Variants in SLC12A3 observed in about 807,000 individuals in gnomAD.
SLC12A3 encodes the protein solute carrier family 12 member 3.
Under a neutral mutation model 121.0 loss-of-function variants are expected in SLC12A3, and 104 were observed. The observed-to-expected ratio is 0.86, with a 90% CI of 0.73 to 1.01. The LOEUF is 1.01. Among genes scored for constraint, SLC12A3 ranks in the 50% least tolerant of loss-of-function variants. SLC12A3 has a pLI of 0.00. For missense variants in SLC12A3, 1,328 were observed against 1,356.3 expected, an observed-to-expected ratio of 0.98 and a Z score of 0.33; for synonymous variants, 536 against 533.4, an observed-to-expected ratio of 1.00 and a Z score of -0.07.
chr16:56,888,152 A>T, intron 18 of SLC12A3, 121 bp downstream of exon 18: 1 of 691,962 alleles, frequency 1.4e-6, no homozygotes, highest in Non-Finnish European at 2.6e-6. Flanking sequence ...AGTGGCTGGC[A>T]TCTGTAGTCC....
intron 8 of SLC12A3, among the ~76,000 whole-genome samples, chr16:56,873,444 T>C (rs187384222): frequency 3.9e-5 from 5 of 129,052 alleles, no homozygotes; most frequent in African/African-American, 1.5e-4. Flanking sequence ...TGGAGTGCAA[T>C]GGCATGATCT....
At chr16:56,893,338 C>T (rs2055416026) in intron 21 of SLC12A3, among the ~76,000 whole-genome samples, 1 of 152,158 alleles carries the variant, frequency 6.6e-6, no homozygotes, top group Non-Finnish European at 1.5e-5. Flanking sequence ...TGGGCGGTGC[C>T]CAGGAAAGCT....
At chr16:56,912,735 C>G (rs711747) in intron 25 of SLC12A3, among the ~76,000 whole-genome samples, 85,457 of 151,992 alleles carry the variant, frequency 0.56, 24,392 homozygotes, top group Middle Eastern at 0.63. Flanking sequence ...TCAGAAGATG[C>G]TGTTGGGACT....
chr16:56,899,683 T>G, intron 23 of SLC12A3, 67 bp downstream of exon 23: 186 of 1,034,860 alleles, frequency 1.8e-4, no homozygotes, highest in Non-Finnish European at 2.4e-4. Flanking sequence ...CTCTGCCGGC[T>G]GCCCCCTTTT....
chr16:56,899,372 C>G (rs1024574376), intron 22 of SLC12A3, among the ~76,000 whole-genome samples, 158 bp from the exon 23 acceptor site: 10 of 152,134 alleles, frequency 6.6e-5, no homozygotes, highest in African/African-American at 2.4e-4. Context: ...ATCTGTAATC[C>G]CAACTACTCG....
intron 13 of SLC12A3, 140 bp downstream of exon 13, chr16:56,882,637 T>G: frequency 2.7e-6 from 2 of 729,684 alleles, no homozygotes; most frequent in Non-Finnish European, 5.0e-6. Flanking sequence ...AAAGGGAACA[T>G]TAATATAATA....
intron 2 of SLC12A3, among the ~76,000 whole-genome samples, chr16:56,867,708 C>T (rs1964393166): frequency 6.6e-6 from 1 of 152,228 alleles, no homozygotes; most frequent in Non-Finnish European, 1.5e-5. Flanking sequence ...CCCCGACCCC[C>T]AGATGCTCTT....
chr16:56,872,764 C>T lies in SLC12A3; in HGVS notation c.1073C>T (p.Ala358Val), dbSNP rs1210363199. 6.2e-7 allele frequency: 1 copy of T among 1,614,234 alleles called. No individual in the cohort carries two copies. Among genetic ancestry groups the T allele is most frequent in the Non-Finnish European group, 8.5e-7 (1 of 1,180,040 alleles). The stretch of plus-strand genomic sequence containing the variant: ...TCGGCCACAGGCATCCTGGCAGGGG[C>T]CAACATATCTGGTGACCTCAAGGTG... ...FPSATGILAG[A>V]NISGDLKDPA... The change falls in exon 8 of 26, where the codon GCC becomes GTC. Residue 358 changes from alanine (A) to valine (V), a missense_variant. Transcript: ENST00000563236.
At chr16:56,904,790 G>A (rs376403456) in intron 25 of SLC12A3, 23 of 370,206 alleles carry the variant, frequency 6.2e-5, no homozygotes, top group African/African-American at 3.6e-4. Flanking sequence ...TTTCAAGAGG[G>A]ACATCAACTC....
intron 22 of SLC12A3, among the ~76,000 whole-genome samples, chr16:56,897,082 A>T (rs1268579173): frequency 2.1e-5 from 3 of 140,736 alleles, no homozygotes; most frequent in Non-Finnish European, 4.5e-5. Flanking sequence ...ACTGAGCAAG[A>T]CTCCATCTCA....
chr16:56,866,974 C>A, intron 1 of SLC12A3, 96 bp from the exon 2 acceptor site: 1 of 1,534,854 alleles, frequency 6.5e-7, no homozygotes. Flanking sequence ...GGGGGGTGCT[C>A]GGTATGGGGC....
chr16:56,877,372 G>A (rs1443356010), intron 8 of SLC12A3, among the ~76,000 whole-genome samples: 5 of 151,660 alleles, frequency 3.3e-5, no homozygotes, highest in African/African-American at 1.2e-4. Flanking sequence ...CTCCAACCTG[G>A]GTGACAGAGC....
At position 56,865,414 on chromosome 16, in the gene SLC12A3, C is replaced by T. The variant is rs371443644; in HGVS notation, c.179C>T (p.Thr60Met). 51 of 1,614,094 alleles carry T rather than the reference C, an allele frequency of 3.2e-5. No homozygotes were observed. In the East Asian group the frequency reaches 4.7e-4, roughly 15 times the overall value. The change falls in exon 1 of 26, where the codon ACG becomes ATG. Residue 60 changes from threonine to methionine, a missense_variant. Thr to Met is a moderately conservative substitution (Grantham distance 81). Coordinates refer to ENST00000563236, the MANE Select transcript of SLC12A3 (RefSeq NM_001126108.2). Reference sequence around the variant, plus strand: ...TGCATGCGCACCTTTGGCTACAACACGATCGATGTGGTGCCCACATATGAG... The same window carrying T: ...TGCATGCGCACCTTTGGCTACAACATGATCGATGTGGTGCCCACATATGAG... ...TFCMRTFGYN[T>M]IDVVPTYEHY...
At chr16:56,912,406 G>C (rs1204667857) in intron 25 of SLC12A3, among the ~76,000 whole-genome samples, 1 of 152,196 alleles carries the variant, frequency 6.6e-6, no homozygotes, top group African/African-American at 2.4e-5. Context: ...TTAAGACAAG[G>C]GGCCTCCCCA....
intron 22 of SLC12A3, among the ~76,000 whole-genome samples, chr16:56,897,904 G>A (rs141890420): frequency 9.8e-4 from 150 of 152,296 alleles, no homozygotes; most frequent in Admixed American, 5.7e-3. Flanking sequence ...ATCTGCCCAC[G>A]GCTCTGCTTT....
At chr16:56,891,834 C>A (rs968281068) in intron 19 of SLC12A3, among the ~76,000 whole-genome samples, 1 of 152,200 alleles carries the variant, frequency 6.6e-6, no homozygotes, top group African/African-American at 2.4e-5. Context: ...GCGCACCCAC[C>A]GCCACGGCCC....
At chr16:56,881,992 T>C (rs2055246224) in intron 12 of SLC12A3, among the ~76,000 whole-genome samples, 3 of 149,262 alleles carry the variant, frequency 2.0e-5, no homozygotes, top group African/African-American at 7.5e-5. Flanking sequence ...GAGGTTGCAG[T>C]GAGCCGAGAT....
chr16:56,879,485 A>G, intron 10 of SLC12A3, 57 bp from the exon 11 acceptor site: 1 of 1,418,918 alleles, frequency 7.0e-7, no homozygotes, highest in Non-Finnish European at 1.0e-6. Context: ...AGTGCCACAG[A>G]TGGGGGCTCC....
chr16:56,893,696 C>T (rs762401292), intron 21 of SLC12A3, among the ~76,000 whole-genome samples: 103 of 152,180 alleles, frequency 6.8e-4, no homozygotes, highest in Non-Finnish European at 1.2e-3. Flanking sequence ...GGCTCCCACA[C>T]GCTGGTCAAA....
Sources: gnomAD v4.1 joint callset for allele counts (sites outside exome capture counted in the v4.1 genomes callset) on GRCh38, gnomAD v4.1.1 for gene constraint, MANE v1.5 for transcripts, NCBI Gene and HGNC (gene_info 2026-07-23, HGNC 2026-07-21) for gene names.